The following NEK7 variants were observed in gnomAD, a reference collection of about 807,000 sequenced individuals.
NEK7 encodes NIMA related kinase 7.
NEK7 carries 18 observed loss-of-function variants against 44.6 expected under a neutral mutation model. The observed-to-expected ratio is 0.40, with a 90% CI of 0.28 to 0.60. The LOEUF is 0.60. NEK7 is among the 20% of genes least tolerant of loss of function. The pLI is 0.38. For missense variants in NEK7, 256 were observed against 366.5 expected (o/e 0.70, Z 2.46); for synonymous variants, 130 against 121.1 (o/e 1.07, Z -0.48).
chr1:198,182,383 G>A (rs1239200259), intron 1 of NEK7, among the ~76,000 whole-genome samples: 1 of 152,030 alleles, frequency 6.6e-6, no homozygotes, highest in Non-Finnish European at 1.5e-5. Flanking sequence ...CTTAGGCCTT[G>A]AACTGGAGAG....
intron 9 of NEK7, among the ~76,000 whole-genome samples, chr1:198,314,299 C>A (rs1279999532): frequency 6.6e-6 from 1 of 152,186 alleles, no homozygotes; most frequent in Non-Finnish European, 1.5e-5. Context: ...CCTTTAAGCA[C>A]TTCTCTGTAA....
At chr1:198,238,083 A>G (rs1666585094) in intron 2 of NEK7, among the ~76,000 whole-genome samples, 1 of 152,204 alleles carries the variant, frequency 6.6e-6, no homozygotes, top group Non-Finnish European at 1.5e-5. Flanking sequence ...ATGAAAATAC[A>G]TAAATATCTT....
At chr1:198,166,303 C>T (rs1425837154) in intron 1 of NEK7, among the ~76,000 whole-genome samples, 1 of 152,190 alleles carries the variant, frequency 6.6e-6, no homozygotes, top group Non-Finnish European at 1.5e-5. Context: ...TAGACCAGCT[C>T]CGAGCTTCAG....
intron 1 of NEK7, chr1:198,198,107 G>A (rs192227114): frequency 6.1e-6 from 8 of 1,305,678 alleles, no homozygotes; most frequent in East Asian, 2.4e-5. Flanking sequence ...TGGTGGGTGG[G>A]CAGGATTGGA....
chr1:198,264,598 C>T (rs995192639), intron 5 of NEK7, among the ~76,000 whole-genome samples: 2 of 135,702 alleles, frequency 1.5e-5, no homozygotes, highest in Non-Finnish European at 3.1e-5. Context: ...TCTAGAGCAG[C>T]TTGACCTGTT....
At chr1:198,179,059 G>A (rs1039716683) in intron 1 of NEK7, among the ~76,000 whole-genome samples, 17 of 150,396 alleles carry the variant, frequency 1.1e-4, no homozygotes, top group African/African-American at 4.2e-4. Flanking sequence ...ATGGGATATG[G>A]TCAATATAAA....
chr1:198,301,982 TA>T (rs1425301382), intron 9 of NEK7, among the ~76,000 whole-genome samples: 1 of 152,238 alleles, frequency 6.6e-6, no homozygotes, highest in African/African-American at 2.4e-5. Flanking sequence ...GATAGTTCAG[TA>T]AGTCTGATTA....
intron 1 of NEK7, among the ~76,000 whole-genome samples, chr1:198,204,719 A>C (rs78192661): frequency 1.4e-5 from 1 of 71,064 alleles, no homozygotes; most frequent in East Asian, 2.1e-3. Context: ...CTCCGTCTCA[A>C]AAAAAAAAAA....
At chr1:198,197,529 T>C (rs1029486454) in intron 1 of NEK7, among the ~76,000 whole-genome samples, 2 of 152,224 alleles carry the variant, frequency 1.3e-5, no homozygotes, top group Non-Finnish European at 2.9e-5. Context: ...TAGTTTATCA[T>C]CTTCAAAAAA....
Position 198,195,750 on chromosome 1 carries a change from G to A in NEK7, c.-28-36803G>A, listed in dbSNP as rs367840010. 4.6e-5 allele frequency among the ~76,000 whole-genome samples: 7 copies of A among 152,218 alleles called. No homozygotes were observed. In the East Asian group the frequency reaches 1.4e-3, roughly 29 times the overall value. ...TGAGGCAGGAGAATAGCTTGAACCC[G>A]GGAGGCGGAAGTTGCAGTGAGCTGA... On this transcript the variant is annotated intron_variant, in intron 1 of 9. Coordinates refer to ENST00000367385, the MANE Select transcript of NEK7 (RefSeq NM_133494.3).
At chr1:198,287,603 C>T (rs1654415160) in intron 7 of NEK7, among the ~76,000 whole-genome samples, 1 of 152,006 alleles carries the variant, frequency 6.6e-6, no homozygotes, top group Admixed American at 6.6e-5. Context: ...AAATGCCACA[C>T]TTGGCTTAAT....
At chr1:198,280,622 A>G (rs1654164590) in intron 7 of NEK7, among the ~76,000 whole-genome samples, 1 of 151,898 alleles carries the variant, frequency 6.6e-6, no homozygotes. Context: ...AGTAGAAATT[A>G]TAGAGTAAAA....
chr1:198,294,759 G>A (rs1015802669), intron 8 of NEK7, among the ~76,000 whole-genome samples: 1 of 152,102 alleles, frequency 6.6e-6, no homozygotes, highest in African/African-American at 2.4e-5. Context: ...TATATGTATT[G>A]TGGATGATTT....
At chr1:198,216,863 C>T (rs1041938241) in intron 1 of NEK7, among the ~76,000 whole-genome samples, 6 of 151,666 alleles carry the variant, frequency 4.0e-5, no homozygotes, top group African/African-American at 7.3e-5. Flanking sequence ...TCAATTTCCT[C>T]GAAAACGACA....
At chr1:198,168,523 A>ATGATC (rs2102712514) in intron 1 of NEK7, among the ~76,000 whole-genome samples, 1 of 152,282 alleles carries the variant, frequency 6.6e-6, no homozygotes, top group South Asian at 2.1e-4. Flanking sequence ...GATCCTGTTG[A>ATGATC]CTGCACAGAC....
chr1:198,312,856 C>A lies in NEK7; in HGVS notation c.799-6556C>A, dbSNP rs4915141. Among the ~76,000 whole-genome samples the A allele has an allele frequency of 9.9e-3, 1,505 of 151,944 alleles. 24 individuals are homozygous for A. Among genetic ancestry groups the A allele is most frequent in the African/African-American group, 0.034 (1,415 of 41,400 alleles). Reference sequence around the variant, plus strand: ...CATTTGCTGAGGAGAGCTTTACTTCCAAGTATGTGGTCAATTTTGGAATAG... The same window carrying A: ...CATTTGCTGAGGAGAGCTTTACTTCAAAGTATGTGGTCAATTTTGGAATAG... On this transcript the variant is annotated intron_variant, in intron 9 of 9. Coordinates refer to ENST00000367385, the MANE Select transcript of NEK7 (RefSeq NM_133494.3).
chr1:198,180,354 G>T (rs533186695), intron 1 of NEK7, among the ~76,000 whole-genome samples: 5 of 152,102 alleles, frequency 3.3e-5, no homozygotes, highest in Admixed American at 3.3e-4. Flanking sequence ...ATTTATTCAG[G>T]ATGTGTGCTG....
chr1:198,251,910 G>C (rs1479124467), intron 2 of NEK7, among the ~76,000 whole-genome samples: 2 of 151,680 alleles, frequency 1.3e-5, no homozygotes, highest in Non-Finnish European at 2.9e-5. Flanking sequence ...TTCTTGCCTT[G>C]TGCTAGCTTT....
intron 1 of NEK7, among the ~76,000 whole-genome samples, chr1:198,218,737 CAAAAA>C (rs57115639): frequency 7.1e-6 from 1 of 141,070 alleles, no homozygotes; most frequent in Non-Finnish European, 1.6e-5. Context: ...AAAAGATTGG[CAAAAA>C]AAAAAAGCAT....
Sources: gnomAD v4.1 joint callset for allele counts (sites outside exome capture counted in the v4.1 genomes callset) on GRCh38, gnomAD v4.1.1 for gene constraint, MANE v1.5 for transcripts, NCBI Gene and HGNC (gene_info 2026-07-23, HGNC 2026-07-21) for gene names.